The following NEDD9 variants were observed in gnomAD, a reference collection of about 807,000 sequenced individuals.
NEDD9 encodes enhancer of filamentation 1.
NEDD9 carries 26 observed loss-of-function variants against 76.6 expected under a neutral mutation model. The ratio of observed to expected loss-of-function variants is 0.34; its 90% CI spans 0.25 to 0.47. The LOEUF is 0.47. Among genes scored for constraint, NEDD9 ranks in the 20% least tolerant of loss-of-function variants. The probability of loss-of-function intolerance (pLI) is 1.00; values close to 1 mark genes in which losing one functional copy is unlikely to be tolerated. For missense variants in NEDD9, 937 were observed against 1,058.5 expected (o/e 0.89, Z 1.59); for synonymous variants, 392 against 414.2 (o/e 0.95, Z 0.65).
intron 3 of NEDD9, 95 bp downstream of exon 3, chr6:11,193,496 A>C: frequency 6.2e-6 from 5 of 807,478 alleles, no homozygotes; most frequent in Non-Finnish European, 8.1e-6. Context: ...GACATATATT[A>C]ATGCATAATT....
chr6:11,188,165 C>T lies in NEDD9; in HGVS notation c.1995+53G>A, dbSNP rs1233527014. The T allele has an allele frequency of 3.8e-6, 5 of 1,317,208 alleles. No individual in the cohort carries two copies. In the East Asian group the frequency reaches 1.1e-4, roughly 30 times the overall value. The allele number at this position is 1,317,208 out of a possible 1,614,324, so 81.6% of individuals were successfully genotyped here. A position where few individuals can be genotyped will look rare whatever the true frequency, so the allele number is the denominator to read the frequency against. Reference sequence around the variant, plus strand: ...CTTGAAGTGATACCTTTCCTTAGTGCTAGGTGGGAAATCTTTCCAATGCCA... The same window carrying T: ...CTTGAAGTGATACCTTTCCTTAGTGTTAGGTGGGAAATCTTTCCAATGCCA... On this transcript the variant is annotated intron_variant, in intron 6 of 6. Coordinates refer to ENST00000379446, the MANE Select transcript of NEDD9 (RefSeq NM_006403.4).
At chr6:11,365,668 A>G (rs925856306) in intron 1 of NEDD9, among the ~76,000 whole-genome samples, 2 of 152,224 alleles carry the variant, frequency 1.3e-5, no homozygotes, top group African/African-American at 2.4e-5. Context: ...AGGCTTGATC[A>G]TAACAAATGC....
At chr6:11,194,505 A>C (rs933547298) in intron 2 of NEDD9, among the ~76,000 whole-genome samples, 4 of 152,226 alleles carry the variant, frequency 2.6e-5, no homozygotes, top group Non-Finnish European at 5.9e-5. Flanking sequence ...GTAATTCCAC[A>C]GGTCACCAGA....
At chr6:11,336,072 T>G (rs1406679251) in intron 1 of NEDD9, among the ~76,000 whole-genome samples, 2 of 152,196 alleles carry the variant, frequency 1.3e-5, no homozygotes, top group Admixed American at 1.3e-4. Context: ...TTTTCCCTAG[T>G]CACCTCCTCC....
chr6:11,300,358 C>G (rs996341595), intron 3 of NEDD9, among the ~76,000 whole-genome samples: 3 of 152,056 alleles, frequency 2.0e-5, no homozygotes, highest in Non-Finnish European at 4.4e-5. Context: ...AAATATAAGA[C>G]TATAAGAAAA....
intron 1 of NEDD9, among the ~76,000 whole-genome samples, chr6:11,366,479 A>C (rs563635345): frequency 5.3e-5 from 8 of 152,228 alleles, no homozygotes; most frequent in Non-Finnish European, 7.4e-5. Context: ...AGAAAGAAGA[A>C]AGAAAAGGGA....
intron 1 of NEDD9, among the ~76,000 whole-genome samples, chr6:11,220,271 T>C (rs1291225673): frequency 6.6e-6 from 1 of 152,190 alleles, no homozygotes; most frequent in Non-Finnish European, 1.5e-5. Flanking sequence ...GTGCTTCTTC[T>C]AGACCCCTAT....
rs1759634892 is a variant in NEDD9 at position 11,237,768 on chromosome 6, G to A, written c.13-24041C>T. On this transcript the variant is annotated intron_variant, in intron 3 of 3. Transcript: ENST00000397378. This position sits in a 1 kb window ranked among gnomAD's most constrained non-coding sequence, Gnocchi z 4.9. ...AAAAAGTATTATTTGGTTGTCTCTA[G>A]AAGTTTGCCGACCCACACTCTAGAT... is the stretch of plus-strand genomic sequence containing the variant. 6.6e-6 allele frequency among the ~76,000 whole-genome samples: 1 copy of A among 152,150 alleles called. No homozygotes were observed. The highest frequency in any genetic ancestry group is 2.4e-5 in the African/African-American group (1 of 41,432).
chr6:11,373,153 TA>T (rs55655020), intron 1 of NEDD9, among the ~76,000 whole-genome samples: 15,953 of 147,076 alleles, frequency 0.11, 909 homozygotes, highest in African/African-American at 0.16. Context: ...CCATAAAAAT[TA>T]AAAAAAAAAA....
chr6:11,373,859 A>C (rs1370337158), intron 1 of NEDD9, among the ~76,000 whole-genome samples: 3 of 152,192 alleles, frequency 2.0e-5, no homozygotes, highest in Non-Finnish European at 2.9e-5. Context: ...TGGGCCTCCA[A>C]TCAGTTGAAG....
intron 3 of NEDD9, among the ~76,000 whole-genome samples, chr6:11,276,869 C>A (rs147816343): frequency 0.011 from 1,637 of 152,142 alleles, 17 homozygotes; most frequent in Admixed American, 0.021. Flanking sequence ...TTGGAAGGAA[C>A]ATAATGGAGG....
intron 3 of NEDD9, among the ~76,000 whole-genome samples, chr6:11,249,435 A>G (rs555653968): frequency 6.6e-6 from 1 of 152,334 alleles, no homozygotes; most frequent in South Asian, 2.1e-4. Flanking sequence ...CAAATTCTAG[A>G]CATCACTTCT....
At chr6:11,289,157 A>AG (rs1488068931) in intron 3 of NEDD9, among the ~76,000 whole-genome samples, 1 of 152,252 alleles carries the variant, frequency 6.6e-6, no homozygotes, top group East Asian at 1.9e-4. Context: ...CTGACTCACA[A>AG]GAACAAACAT....
chr6:11,307,814 T>G (rs958160516), intron 2 of NEDD9, among the ~76,000 whole-genome samples: 1 of 152,178 alleles, frequency 6.6e-6, no homozygotes, highest in Admixed American at 6.5e-5. Flanking sequence ...CCCTTTCCAG[T>G]GCAACCCCTC....
At chr6:11,345,202 G>A (rs1762342724) in intron 1 of NEDD9, among the ~76,000 whole-genome samples, 1 of 152,116 alleles carries the variant, frequency 6.6e-6, no homozygotes, top group South Asian at 2.1e-4. Context: ...TCCACCCAAG[G>A]GAATATCAAA....
At chr6:11,212,482 C>T (rs934966141) in intron 2 of NEDD9, among the ~76,000 whole-genome samples, 4 of 152,218 alleles carry the variant, frequency 2.6e-5, no homozygotes, top group Non-Finnish European at 4.4e-5. Flanking sequence ...ATCACTGTAT[C>T]ACAAGCATCA....
chr6:11,276,742 T>C (rs1760424537), intron 3 of NEDD9, among the ~76,000 whole-genome samples: 1 of 152,140 alleles, frequency 6.6e-6, no homozygotes, highest in South Asian at 2.1e-4. Context: ...CCTTCTCTCT[T>C]TACTCAGGAG....
At chr6:11,235,175 T>G (rs985788800), upstream of NEDD9, among the ~76,000 whole-genome samples, 1 of 152,196 alleles carries the variant, frequency 6.6e-6, no homozygotes, top group East Asian at 1.9e-4. This position sits in a 1 kb window ranked among gnomAD's most constrained non-coding sequence, Gnocchi z 4.1. Context: ...ACTGTTGTTA[T>G]TAGTTATTAT....
chr6:11,241,029 A>T lies in NEDD9; in HGVS notation c.13-27302T>A, dbSNP rs1455041631. On this transcript the variant is annotated intron_variant, in intron 3 of 3. Coordinates refer to the NEDD9 transcript ENST00000397378. This position sits in a 1 kb window ranked among gnomAD's most constrained non-coding sequence, Gnocchi z 4.0. ...TACATGCTTTAGTTTGTCCAAATAA[A>T]CAACTTGTTATATGAAACTGTCATG... Among the ~76,000 whole-genome samples, 1 of 152,244 alleles carries T rather than the reference A, an allele frequency of 6.6e-6. No homozygotes were observed. The highest frequency in any genetic ancestry group is 1.5e-5 in the Non-Finnish European group (1 of 68,046).
Sources: gnomAD v4.1 joint callset for allele counts (sites outside exome capture counted in the v4.1 genomes callset) on GRCh38, gnomAD v4.1.1 for gene constraint, Gnocchi (gnomAD v3.1) non-coding constraint, MANE v1.5 for transcripts, NCBI Gene and HGNC (gene_info 2026-07-23, HGNC 2026-07-21) for gene names.